Variants in RNGTT observed in about 807,000 individuals in gnomAD.
RNGTT encodes the protein RNA guanylyltransferase and 5'-phosphatase.
A neutral mutation model predicts 79.3 loss-of-function variants in RNGTT; 33 were observed. The observed-to-expected ratio is 0.42, with a 90% CI of 0.32 to 0.56. The LOEUF (loss-of-function observed/expected upper bound fraction) is 0.56, where lower values mean the gene tolerates loss of function less well. RNGTT is among the 20% of genes least tolerant of loss of function. RNGTT has a pLI of 0.17. For synonymous variants in RNGTT, 222 were observed against 235.9 expected (o/e 0.94, Z 0.54); for missense variants, 497 against 739.1 (o/e 0.67, Z 3.80).
rs924526562 is a variant in RNGTT, at chr6:88,822,730, A to G, written c.1270-21098T>C. 2.6e-5 allele frequency among the ~76,000 whole-genome samples: 4 copies of G among 152,212 alleles called. No individual in the cohort carries two copies. In the South Asian group the frequency reaches 6.2e-4, roughly 24 times the overall value. ...TTTTATCAGAAAGTGTGTCTGTATC[A>G]CATAAAAAGAGTGAACATTGATAGG... On this transcript the variant is annotated intron_variant, in intron 11 of 15. Transcript: ENST00000369485.
At chr6:88,946,655 CCTCTCT>C (rs1315998415) in intron 1 of RNGTT, among the ~76,000 whole-genome samples, 3 of 138,582 alleles carry the variant, frequency 2.2e-5, no homozygotes, top group Admixed American at 7.5e-5. Context: ...TCTCCCTCTC[CCTCTCT>C]CTCCCTCCCT....
intron 14 of RNGTT, among the ~76,000 whole-genome samples, chr6:88,665,918 T>C (rs1382612735): frequency 1.3e-5 from 2 of 152,216 alleles, no homozygotes; most frequent in Non-Finnish European, 2.9e-5. Context: ...AAAGCTCAGA[T>C]CTGCAGACAG....
intron 4 of RNGTT, among the ~76,000 whole-genome samples, chr6:88,926,251 G>A (rs543973424): frequency 6.6e-6 from 1 of 152,206 alleles, no homozygotes; most frequent in African/African-American, 2.4e-5. Context: ...TTTACCACCA[G>A]GAACTAGTGC....
intron 13 of RNGTT, among the ~76,000 whole-genome samples, chr6:88,739,717 GA>G (rs1174633119): frequency 3.8e-5 from 3 of 78,800 alleles, no homozygotes; most frequent in Admixed American, 1.5e-4. Context: ...TAACTGGTGT[GA>G]AAAAAATTAT....
intron 14 of RNGTT, among the ~76,000 whole-genome samples, chr6:88,643,002 G>C (rs950512413): frequency 2.0e-5 from 3 of 152,122 alleles, no homozygotes; most frequent in African/African-American, 7.2e-5. Flanking sequence ...AATGCGCCTT[G>C]ACTTACAATA....
intron 11 of RNGTT, among the ~76,000 whole-genome samples, chr6:88,831,473 A>C (rs1780863364): frequency 6.6e-6 from 1 of 152,210 alleles, no homozygotes; most frequent in African/African-American, 2.4e-5. Context: ...ACAAACCCAC[A>C]GCCAATATCA....
chr6:88,685,974 G>C (rs1775263409), intron 13 of RNGTT, among the ~76,000 whole-genome samples: 1 of 150,970 alleles, frequency 6.6e-6, no homozygotes. Flanking sequence ...CATGATCTAA[G>C]GTTTAGAGGG....
chr6:88,676,040 T>C (rs1275613645), intron 14 of RNGTT, among the ~76,000 whole-genome samples: 1 of 152,142 alleles, frequency 6.6e-6, no homozygotes, highest in Non-Finnish European at 1.5e-5. Context: ...GGCATTTTTA[T>C]AGAAACTGAC....
intron 14 of RNGTT, among the ~76,000 whole-genome samples, chr6:88,645,988 C>A (rs571563989): frequency 1.2e-4 from 19 of 152,206 alleles, no homozygotes; most frequent in Non-Finnish European, 2.4e-4. Context: ...GCAACAAAAG[C>A]CAAAATTGAC....
chr6:88,843,221 T>C (rs1377808897), intron 11 of RNGTT, among the ~76,000 whole-genome samples: 1 of 151,930 alleles, frequency 6.6e-6, no homozygotes, highest in East Asian at 1.9e-4. Context: ...AATTGCTTTA[T>C]TTGGAAAGGA....
intron 13 of RNGTT, among the ~76,000 whole-genome samples, chr6:88,732,529 CTG>C (rs1472466088): frequency 7.2e-5 from 11 of 152,306 alleles, no homozygotes; most frequent in Non-Finnish European, 1.3e-4. Flanking sequence ...TAACTAAAAA[CTG>C]TGTGTTAAAG....
chr6:88,940,446 T>G (rs1386765615), intron 2 of RNGTT, among the ~76,000 whole-genome samples: 1 of 152,154 alleles, frequency 6.6e-6, no homozygotes, highest in African/African-American at 2.4e-5. Flanking sequence ...TCTGTGGTGT[T>G]GGTCGGGTAA....
At chr6:88,703,657 AC>A (rs1169702135) in intron 13 of RNGTT, among the ~76,000 whole-genome samples, 2 of 152,350 alleles carry the variant, frequency 1.3e-5, no homozygotes, top group South Asian at 2.1e-4. Context: ...CAGGTAATAA[AC>A]CTACACATGT....
intron 13 of RNGTT, among the ~76,000 whole-genome samples, chr6:88,753,363 T>A (rs1777901954): frequency 6.6e-6 from 1 of 151,816 alleles, no homozygotes; most frequent in African/African-American, 2.4e-5. Context: ...ATTAGCCATG[T>A]GTGGTGGCAT....
chr6:88,853,914 A>T, intron 8 of RNGTT, 150 bp from the exon 9 acceptor site: 1 of 444,300 alleles, frequency 2.3e-6, no homozygotes, highest in Non-Finnish European at 3.9e-6. Context: ...AAGTATCACA[A>T]ATAATAATTT....
At chr6:88,769,631 T>A in intron 13 of RNGTT, 143 bp downstream of exon 13, 1 of 490,804 alleles carries the variant, frequency 2.0e-6, no homozygotes, top group Non-Finnish European at 3.6e-6. Context: ...TGTATAAGTA[T>A]ATATGTAAAA....
At chr6:88,801,967 C>G (rs1351211222) in intron 11 of RNGTT, among the ~76,000 whole-genome samples, 1 of 151,862 alleles carries the variant, frequency 6.6e-6, no homozygotes, top group Admixed American at 6.6e-5. Flanking sequence ...ATTCCTAAGC[C>G]AGCACAAAAG....
Position 88,690,109 on chromosome 6 carries a change from T to C in RNGTT, c.1440-11690A>G, listed in dbSNP as rs149167083. Reference sequence around the variant, plus strand: ...TATTCTTTTAAAAGTATCAAGGTCATGAAAAACAAGAAGAAAGTATTATCA... The same window carrying C: ...TATTCTTTTAAAAGTATCAAGGTCACGAAAAACAAGAAGAAAGTATTATCA... On this transcript the variant is annotated intron_variant, in intron 13 of 15. Coordinates refer to ENST00000369485, the MANE Select transcript of RNGTT (RefSeq NM_003800.5). Among the ~76,000 whole-genome samples the C allele has an allele frequency of 2.0e-5, 3 of 151,988 alleles. No individual in the cohort carries two copies. In the East Asian group the frequency reaches 5.8e-4, roughly 29 times the overall value.
rs148669529 is a variant in RNGTT at position 88,935,436 on chromosome 6, G to A, written c.174+5635C>T. 2.8e-3 allele frequency among the ~76,000 whole-genome samples: 430 copies of A among 152,232 alleles called. 13 individuals carry two copies. Among genetic ancestry groups the A allele is most frequent in the Admixed American group, 0.023 (359 of 15,292 alleles). ...CCATAAAAATGTTAGGATTCAGGTG[G>A]GGTGCAGTGTCTCATGCATGTAATC... On this transcript the variant is annotated intron_variant, in intron 2 of 15. Transcript: ENST00000369485.
Sources: allele counts gnomAD v4.1 joint callset (sites outside exome capture counted in the v4.1 genomes callset), GRCh38; gene constraint gnomAD v4.1.1; transcripts MANE v1.5; gene names NCBI Gene and HGNC (gene_info 2026-07-23, HGNC 2026-07-21).